TSHZ2: variants seen among roughly 807,000 people sequenced by gnomAD.
The protein encoded by TSHZ2 is teashirt zinc finger homeobox 2, also known as teashirt homolog 2.
Under a neutral mutation model 74.4 loss-of-function variants are expected in TSHZ2, and 21 were observed. The ratio of observed to expected loss-of-function variants is 0.28; its 90% CI spans 0.20 to 0.41. TSHZ2 has a LOEUF of 0.41. TSHZ2 is among the 10% of genes least tolerant of loss of function. The probability of loss-of-function intolerance (pLI) is 1.00; values close to 1 mark genes in which losing one functional copy is unlikely to be tolerated. For missense variants in TSHZ2, 1,244 were observed against 1,293.5 expected, an observed-to-expected ratio of 0.96 and a Z score of 0.59; for synonymous variants, 540 against 515.3, an observed-to-expected ratio of 1.05 and a Z score of -0.65.
In TSHZ2 at chr20:53,253,592, G is replaced by T. The variant is rs577628960; in HGVS notation, c.134G>T (p.Gly45Val). ...DSGSVAQLQG[G>V]NDTGTDEELE... Reference sequence around the variant, plus strand: ...GGTTCAGTAGCTCAACTGCAGGGTGGCAATGACACAGGGACGGACGAGGAG... The same window carrying T: ...GGTTCAGTAGCTCAACTGCAGGGTGTCAATGACACAGGGACGGACGAGGAG... Residue 45 changes from glycine to valine, a missense_variant, in exon 2 of 3, where the codon GGC becomes GTC. This residue lies in a region of TSHZ2 where 470 missense variants were observed against 456.5 expected (regional missense o/e 1.03). Transcript: ENST00000371497. The T allele has an allele frequency of 1.2e-5, 19 of 1,614,106 alleles. No individual in the cohort carries two copies. The East Asian group carries it at 1.6e-4, about 13-fold the overall frequency.
At chr20:52,994,846 A>G (rs1423875401) in intron 1 of TSHZ2, among the ~76,000 whole-genome samples, 6 of 152,200 alleles carry the variant, frequency 3.9e-5, no homozygotes, top group Non-Finnish European at 8.8e-5. Context: ...AACCAGATGC[A>G]TTAACATTTC....
At chr20:52,997,436 C>A (rs1982246810) in intron 1 of TSHZ2, among the ~76,000 whole-genome samples, 1 of 152,164 alleles carries the variant, frequency 6.6e-6, no homozygotes, top group African/African-American at 2.4e-5. Context: ...GTCCCTTAAT[C>A]CTTTAATGAT....
chr20:53,031,747 T>G (rs1296273523), intron 1 of TSHZ2, among the ~76,000 whole-genome samples: 1 of 152,220 alleles, frequency 6.6e-6, no homozygotes, highest in Non-Finnish European at 1.5e-5. Context: ...TCTCTGCAAC[T>G]CTTTCATATT....
intron 2 of TSHZ2, among the ~76,000 whole-genome samples, chr20:53,378,976 C>T (rs1487060900): frequency 6.6e-6 from 1 of 152,228 alleles, no homozygotes; most frequent in Non-Finnish European, 1.5e-5. Context: ...CCTGGCTGTT[C>T]AAACACTGGC....
intron 2 of TSHZ2, among the ~76,000 whole-genome samples, chr20:53,302,763 C>T (rs1403127221): frequency 6.6e-6 from 1 of 152,182 alleles, no homozygotes; most frequent in African/African-American, 2.4e-5. Flanking sequence ...GGCAAGCCTT[C>T]AAAATGGGCT....
At chr20:53,339,979 C>T (rs943553109) in intron 2 of TSHZ2, among the ~76,000 whole-genome samples, 1 of 152,156 alleles carries the variant, frequency 6.6e-6, no homozygotes, top group African/African-American at 2.4e-5. Flanking sequence ...AACACCTGTG[C>T]TTTACTCATG....
In TSHZ2 at chr20:53,201,448, C is replaced by T. The variant is rs916238194; in HGVS notation, c.41-52051C>T. On this transcript the variant is annotated intron_variant, in intron 1 of 2. Coordinates refer to ENST00000371497, the MANE Select transcript of TSHZ2 (RefSeq NM_173485.6). ...TCACGGTGACCTCTGGTTCTGCTGT[C>T]GTATCACCTTCCCTGACTCCGATTC... Among the ~76,000 whole-genome samples, 3 of 152,250 alleles carry T rather than the reference C, an allele frequency of 2.0e-5. No individual in the cohort carries two copies. In the East Asian group the frequency reaches 5.8e-4, roughly 29 times the overall value.
chr20:53,376,846 A>G (rs1001930584), intron 2 of TSHZ2, among the ~76,000 whole-genome samples: 2 of 152,242 alleles, frequency 1.3e-5, no homozygotes, highest in Non-Finnish European at 2.9e-5. Flanking sequence ...TCAGAGGCCC[A>G]CAGAAGTTAC....
chr20:53,009,528 C>G (rs929418610), intron 1 of TSHZ2, among the ~76,000 whole-genome samples: 8 of 152,160 alleles, frequency 5.3e-5, no homozygotes, highest in Non-Finnish European at 1.2e-4. Context: ...TTGTTTATTT[C>G]TGGAATTTTC....
intron 2 of TSHZ2, among the ~76,000 whole-genome samples, chr20:53,405,524 C>G (rs1982818359): frequency 6.6e-6 from 1 of 152,194 alleles, no homozygotes; most frequent in Non-Finnish European, 1.5e-5. Flanking sequence ...GTGCTTATAA[C>G]AGCTAGGTAC....
chr20:53,066,854 A>G (rs111825131), intron 1 of TSHZ2, among the ~76,000 whole-genome samples: 96 of 152,266 alleles, frequency 6.3e-4, no homozygotes, highest in African/African-American at 2.3e-3. Context: ...AACCAAGACT[A>G]AGGCTCCTTG....
intron 1 of TSHZ2, among the ~76,000 whole-genome samples, chr20:53,067,762 C>T (rs1985037873): frequency 1.3e-5 from 2 of 152,206 alleles, no homozygotes; most frequent in African/African-American, 4.8e-5. Flanking sequence ...GGCAGTTCTG[C>T]TGTGGTTCTC....
intron 1 of TSHZ2, among the ~76,000 whole-genome samples, chr20:53,093,886 A>G (rs1217788095): frequency 6.6e-6 from 1 of 152,192 alleles, no homozygotes; most frequent in East Asian, 1.9e-4. Context: ...GCCGGGTTTC[A>G]TCAGACTTCA....
chr20:53,016,967 G>A (rs561419052), intron 1 of TSHZ2, among the ~76,000 whole-genome samples: 11 of 152,232 alleles, frequency 7.2e-5, no homozygotes, highest in Non-Finnish European at 1.5e-4. Flanking sequence ...AGACAAGGAC[G>A]TTATTCTCTA....
At chr20:53,222,656 A>T (rs1195066833) in intron 1 of TSHZ2, among the ~76,000 whole-genome samples, 1 of 152,196 alleles carries the variant, frequency 6.6e-6, no homozygotes, top group Non-Finnish European at 1.5e-5. Flanking sequence ...CATGGGAACA[A>T]GCTGTTTTGG....
Position 53,490,016 on chromosome 20 carries a change from T to C in TSHZ2, c.*2881T>C, listed in dbSNP as rs1445027999. The C allele has an allele frequency of 1.3e-5, 2 of 152,246 alleles. No homozygotes were observed. Among genetic ancestry groups the C allele is most frequent in the Admixed American group, 1.3e-4 (2 of 15,282 alleles). 9.4% of individuals were successfully genotyped at this position (152,246 alleles called of 1,614,324 possible). ...AGAACTTTAGAATTGGAAAGGAGGCTGACATGCAAATATAATGCAAATTAC... is the reference window on the plus strand; with the variant it reads ...AGAACTTTAGAATTGGAAAGGAGGCCGACATGCAAATATAATGCAAATTAC... On this transcript the variant is annotated 3_prime_UTR_variant, in exon 3 of 3. Transcript: ENST00000371497.
At chr20:53,118,637 G>A (rs528018906) in intron 1 of TSHZ2, among the ~76,000 whole-genome samples, 4 of 152,270 alleles carry the variant, frequency 2.6e-5, no homozygotes, top group Admixed American at 2.6e-4. Context: ...ATGGGTGTCA[G>A]GGAGGTTCCT....
chr20:53,341,039 T>C (rs1435058632), intron 2 of TSHZ2, among the ~76,000 whole-genome samples: 1 of 152,216 alleles, frequency 6.6e-6, no homozygotes, highest in Non-Finnish European at 1.5e-5. Context: ...CTATTAGATT[T>C]AGGATCCTTC....
chr20:53,142,619 G>C (rs1262097815), intron 1 of TSHZ2, among the ~76,000 whole-genome samples: 1 of 152,232 alleles, frequency 6.6e-6, no homozygotes, highest in African/African-American at 2.4e-5. Context: ...ATCAAGTTCA[G>C]AACAACAGCC....
Sources: gnomAD v4.1 joint callset for allele counts (sites outside exome capture counted in the v4.1 genomes callset) on GRCh38, gnomAD v4.1.1 for gene constraint, gnomAD v4.1.1 regional missense constraint, MANE v1.5 for transcripts, NCBI Gene and HGNC (gene_info 2026-07-23, HGNC 2026-07-21) for gene names.